USP8: variants seen among roughly 807,000 people sequenced by gnomAD.
USP8 encodes ubiquitin specific peptidase 8, also known as ubiquitin carboxyl-terminal hydrolase 8.
A neutral mutation model predicts 130.0 loss-of-function variants in USP8; 27 were observed. The observed-to-expected ratio is 0.21, with a 90% CI of 0.15 to 0.29. The LOEUF is 0.29. Among genes scored for constraint, USP8 ranks in the 10% least tolerant of loss-of-function variants. The pLI is 1.00. For synonymous variants in USP8, 392 were observed against 444.1 expected, an observed-to-expected ratio of 0.88 and a Z score of 1.48; for missense variants, 1,029 against 1,312.2, an observed-to-expected ratio of 0.78 and a Z score of 3.33.
intron 1 of USP8, among the ~76,000 whole-genome samples, chr15:50,435,931 C>G (rs941378031): frequency 6.6e-6 from 1 of 152,154 alleles, no homozygotes; most frequent in Non-Finnish European, 1.5e-5. Context: ...TCCTGTCATT[C>G]TACCTTTGCA....
chr15:50,430,212 T>C lies in USP8; in HGVS notation c.-66+5698T>C, dbSNP rs572240325. Among the ~76,000 whole-genome samples, 5 of 152,286 alleles carry C rather than the reference T, an allele frequency of 3.3e-5. No homozygotes were observed. In the East Asian group the frequency reaches 9.7e-4, roughly 29 times the overall value. ...TTGAAGCCAGTTTAGACAGTCACTCTTTAGAACTAGGGCTAGTTCAGCTCC... is the reference window on the plus strand; with the variant it reads ...TTGAAGCCAGTTTAGACAGTCACTCCTTAGAACTAGGGCTAGTTCAGCTCC... On this transcript the variant is annotated intron_variant, in intron 1 of 19. Transcript: ENST00000307179.
rs995607836 is a variant in USP8, at chr15:50,498,399, C to A, written c.3039-197C>A. 1.3e-5 allele frequency: 8 copies of A among 610,540 alleles called. No homozygotes were observed. The African/African-American group carries it at 1.5e-4, about 11-fold the overall frequency. 37.8% of individuals were successfully genotyped at this position (610,540 alleles called of 1,614,324 possible). ...TGACCTTAGGCACATCATTAAATAT[C>A]CATATGCCTCAGTTTTCTTGTTTGT... On this transcript the variant is annotated intron_variant, in intron 18 of 19. Coordinates refer to ENST00000307179, the MANE Select transcript of USP8 (RefSeq NM_005154.5).
intron 8 of USP8, 127 bp downstream of exon 8, chr15:50,471,922 A>G: frequency 1.1e-6 from 1 of 940,210 alleles, no homozygotes; most frequent in Middle Eastern, 3.4e-4. Context: ...TTTTTTTGAG[A>G]CTGAGTCTCA....
chr15:50,484,357 ATAAAG>A lies in USP8; in HGVS notation c.1890_1890+4del. 6.2e-7 allele frequency: 1 copy of A among 1,610,100 alleles called. No homozygotes were observed. The highest frequency in any genetic ancestry group is 8.5e-7 in the Non-Finnish European group (1 of 1,178,570). ...GAGGATACAGACGATACCGAAAGAA[ATAAAG>A]TAAGTAGTTTATTGCAGGAAAAAAC... On this transcript the variant is annotated splice_donor_variant and coding_sequence_variant, in exon 12 of 20. Coordinates refer to ENST00000307179, the MANE Select transcript of USP8 (RefSeq NM_005154.5). LOFTEE classifies it high-confidence loss of function.
At chr15:50,471,594 G>A in intron 7 of USP8, 39 bp from the exon 8 acceptor site, 2 of 1,598,626 alleles carry the variant, frequency 1.3e-6, no homozygotes, top group Non-Finnish European at 1.7e-6. Flanking sequence ...AGGACCTCTT[G>A]TTGACTTTTG....
In USP8 at chr15:50,481,438, T is replaced by TG. The variant is rs769428549; in HGVS notation, c.1219-42dup. ...GATCTCAAGAACTGAGGTTATTTCC[T>TG]GATTTTTGACAAAAATGTTTTGCTC... On this transcript the variant is annotated intron_variant, in intron 10 of 19. Coordinates refer to ENST00000307179, the MANE Select transcript of USP8 (RefSeq NM_005154.5). The TG allele has an allele frequency of 7.0e-6, 10 of 1,418,534 alleles. No individual in the cohort carries two copies. In the African/African-American group the frequency reaches 8.8e-5, roughly 12 times the overall value. The allele number at this position is 1,418,534 out of a possible 1,614,324, so 87.9% of individuals were successfully genotyped here.
chr15:50,494,008 T>C, intron 15 of USP8, 62 bp from the exon 16 acceptor site: 1 of 1,557,622 alleles, frequency 6.4e-7, no homozygotes, highest in African/African-American at 1.4e-5. Flanking sequence ...AAGAATCTAC[T>C]GTACCTTGCT....
At chr15:50,485,321 G>T (rs967602456) in intron 12 of USP8, among the ~76,000 whole-genome samples, 4 of 151,702 alleles carry the variant, frequency 2.6e-5, no homozygotes, top group Non-Finnish European at 5.9e-5. Context: ...GTGGTGGCAG[G>T]CACCTGTAGT....
chr15:50,492,440 A>T (rs2052210479), intron 14 of USP8, among the ~76,000 whole-genome samples: 1 of 152,182 alleles, frequency 6.6e-6, no homozygotes, highest in African/African-American at 2.4e-5. Flanking sequence ...AATCTATCTC[A>T]AGGTGTCTCT....
chr15:50,494,290 T>A lies in USP8; in HGVS notation c.2658+10T>A. On this transcript the variant is annotated intron_variant, in intron 16 of 19. Coordinates refer to ENST00000307179, the MANE Select transcript of USP8 (RefSeq NM_005154.5). ...TGAAGATCTAAATAAAGTAAGAAAT[T>A]TGATTTTTCTAAGTTGCAGAGACTC... 6.3e-7 allele frequency: 1 copy of A among 1,586,092 alleles called. No individual in the cohort carries two copies.
In USP8 at chr15:50,477,240, C is replaced by G. The variant is rs759664484; in HGVS notation, c.995-36C>G. 1.7e-5 allele frequency: 27 copies of G among 1,569,818 alleles called. No individual in the cohort carries two copies. The South Asian group carries it at 2.9e-4, about 17-fold the overall frequency. The stretch of plus-strand genomic sequence containing the variant: ...ATGTAAGTACTGTGTATGGGGTTTG[C>G]TATTCTAAAAAACATTTTTATTTTT... On this transcript the variant is annotated intron_variant, in intron 9 of 19. Coordinates refer to ENST00000307179, the MANE Select transcript of USP8 (RefSeq NM_005154.5).
At chr15:50,436,427 T>C (rs2050093623) in intron 1 of USP8, among the ~76,000 whole-genome samples, 2 of 152,216 alleles carry the variant, frequency 1.3e-5, no homozygotes, top group South Asian at 2.1e-4. Context: ...CTCTATAGTT[T>C]GATATCATAC....
intron 8 of USP8, among the ~76,000 whole-genome samples, chr15:50,472,753 A>G (rs528793155): frequency 2.8e-4 from 42 of 152,090 alleles, no homozygotes; most frequent in Admixed American, 1.4e-3. Flanking sequence ...TCTGCTAAAA[A>G]CAAAAAATTA....
Position 50,500,942 on chromosome 15 carries a change from A to G in USP8, c.*1854A>G. The G allele has an allele frequency of 1.0e-6, 1 of 956,256 alleles. No individual in the cohort carries two copies. The highest frequency in any genetic ancestry group is 1.6e-6 in the Non-Finnish European group (1 of 621,078). The allele number at this position is 956,256 out of a possible 1,614,324, so 59.2% of individuals were successfully genotyped here. A position where few individuals can be genotyped will look rare whatever the true frequency, so the allele number is the denominator to read the frequency against. On this transcript the variant is annotated 3_prime_UTR_variant, in exon 20 of 20. Transcript: ENST00000307179. ...TGCTTTTTAAATTGTCCCTTATTCT[A>G]AATTAAAAGGAAGTGATAATTTTGT...
At chr15:50,443,070 G>A (rs1244102119) in intron 3 of USP8, among the ~76,000 whole-genome samples, 1 of 151,830 alleles carries the variant, frequency 6.6e-6, no homozygotes, top group African/African-American at 2.4e-5. Flanking sequence ...AGAGAGTCTC[G>A]CCCTGTCACC....
chr15:50,441,319 TTTAA>T, intron 2 of USP8, 26 bp from the exon 3 acceptor site: 1 of 1,560,388 alleles, frequency 6.4e-7, no homozygotes, highest in Non-Finnish European at 8.6e-7. Flanking sequence ...TGTCAATTGC[TTTAA>T]TTATTATTTT....
chr15:50,467,408 T>G (rs921545931), intron 7 of USP8, among the ~76,000 whole-genome samples: 3 of 152,208 alleles, frequency 2.0e-5, no homozygotes, highest in African/African-American at 7.2e-5. Context: ...CCTTTTGAGT[T>G]AGTTTAAAGG....
Position 50,498,845 on chromosome 15 carries a change from G to A in USP8, c.3172-58G>A, listed in dbSNP as rs375973143. The A allele has an allele frequency of 3.1e-4, 476 of 1,551,656 alleles. 4 individuals are homozygous for A. The South Asian group carries it at 3.7e-3, about 12-fold the overall frequency. ...AACATAAAGCTTTGAAACTATTGGC[G>A]TATTTTAAATAACAATTTTAACTGA... On this transcript the variant is annotated intron_variant, in intron 19 of 19. Transcript: ENST00000307179.
intron 3 of USP8, 141 bp downstream of exon 3, chr15:50,441,634 C>A: frequency 1.5e-6 from 1 of 659,726 alleles, no homozygotes; most frequent in South Asian, 2.6e-5. Flanking sequence ...AAAAAGGGAA[C>A]TAAAGATACA....
Sources: gnomAD v4.1 joint callset for allele counts (sites outside exome capture counted in the v4.1 genomes callset) on GRCh38, gnomAD v4.1.1 for gene constraint, MANE v1.5 for transcripts, NCBI Gene and HGNC (gene_info 2026-07-23, HGNC 2026-07-21) for gene names.